The following SEM1 variants were observed in gnomAD, a reference collection of about 807,000 sequenced individuals.
SEM1 encodes the protein SEM1 26S proteasome subunit, also known as 26S proteasome complex subunit SEM1.
In SEM1, 3 loss-of-function variants were observed where a neutral mutation model predicts 12.7. The observed-to-expected ratio is 0.24, with a 90% CI of 0.11 to 0.61. The LOEUF (loss-of-function observed/expected upper bound fraction) is 0.61, where lower values mean the gene tolerates loss of function less well. Among genes scored for constraint, SEM1 ranks in the 20% least tolerant of loss-of-function variants. SEM1 has a pLI of 0.88. For missense variants in SEM1, 59 were observed against 81.3 expected (o/e 0.73, Z 1.06); for synonymous variants, 30 against 27.8 (o/e 1.08, Z -0.25).
chr7:96,675,525 T>TC, intron 2 of SEM1, among the ~76,000 whole-genome samples: 1 of 152,156 alleles, frequency 6.6e-6, no homozygotes, highest in Non-Finnish European at 1.5e-5. Flanking sequence ...CATTTACCAT[T>TC]TTATAGTTAT....
chr7:96,483,652 A>G (rs1802633228), exon 4 of SEM1: 1 of 587,810 alleles, frequency 1.7e-6, no homozygotes, highest in Admixed American at 2.7e-5. Context: ...GAGCACTAGA[A>G]TATGTATTAA....
At chr7:96,647,507 G>C (rs1315808205) in intron 2 of SEM1, 1 of 152,266 alleles carries the variant, frequency 6.6e-6, no homozygotes, top group Non-Finnish European at 1.5e-5. Flanking sequence ...TATCTCATCA[G>C]TGAGAACATG....
intron 2 of SEM1, among the ~76,000 whole-genome samples, chr7:96,563,953 C>T (rs2115930389): frequency 6.6e-6 from 1 of 152,122 alleles, no homozygotes; most frequent in East Asian, 1.9e-4. Context: ...TTGTTATGCT[C>T]TTTCACAAGT....
At chr7:96,586,544 C>T (rs1435857015) in intron 2 of SEM1, among the ~76,000 whole-genome samples, 3 of 152,166 alleles carry the variant, frequency 2.0e-5, no homozygotes, top group Admixed American at 6.5e-5. Context: ...ATCATACTTA[C>T]ATTTGACCAT....
At chr7:96,513,633 A>T (rs1374354178) in intron 2 of SEM1, among the ~76,000 whole-genome samples, 1 of 152,050 alleles carries the variant, frequency 6.6e-6, no homozygotes, top group Non-Finnish European at 1.5e-5. Flanking sequence ...GTTCCAGACT[A>T]GCGTGGCCAA....
At chr7:96,501,631 G>C (rs923878657) in intron 3 of SEM1, among the ~76,000 whole-genome samples, 1 of 152,056 alleles carries the variant, frequency 6.6e-6, no homozygotes, top group Non-Finnish European at 1.5e-5. Context: ...AAAATTTATT[G>C]GATGTTTAGT....
chr7:96,512,074 A>G (rs1315576298), intron 2 of SEM1, among the ~76,000 whole-genome samples: 1 of 152,114 alleles, frequency 6.6e-6, no homozygotes, highest in Non-Finnish European at 1.5e-5. Context: ...CAACCATTTC[A>G]TCAAAAGACA....
intron 2 of SEM1, among the ~76,000 whole-genome samples, chr7:96,587,599 A>T (rs1806681920): frequency 6.6e-6 from 1 of 151,512 alleles, no homozygotes; most frequent in South Asian, 2.1e-4. Flanking sequence ...CTCACAGGGC[A>T]TCTTGAACTT....
chr7:96,622,268 G>GA, downstream of SEM1: 1 of 197,654 alleles, frequency 5.1e-6, no homozygotes, highest in African/African-American at 2.3e-5. Flanking sequence ...AAAGGACATG[G>GA]AAAAAAAAAA....
intron 2 of SEM1, among the ~76,000 whole-genome samples, chr7:96,522,732 CA>C (rs34796190): frequency 0.036 from 4,630 of 129,484 alleles, 270 homozygotes; most frequent in African/African-American, 0.13. Flanking sequence ...ACCCCCCCCC[CA>C]AAAAAAAATT....
chr7:96,530,494 AT>A (rs1318941225), intron 2 of SEM1, among the ~76,000 whole-genome samples: 1 of 152,058 alleles, frequency 6.6e-6, no homozygotes, highest in Non-Finnish European at 1.5e-5. Context: ...TGAGAAGCAC[AT>A]TCCTAGTTTG....
chr7:96,586,794 A>G (rs1806652023), intron 2 of SEM1, among the ~76,000 whole-genome samples: 1 of 152,070 alleles, frequency 6.6e-6, no homozygotes, highest in Non-Finnish European at 1.5e-5. Context: ...TGTTATCTTT[A>G]TTTTTTCCCT....
intron 1 of SEM1, among the ~76,000 whole-genome samples, chr7:96,699,779 C>A (rs1326792065): frequency 6.6e-6 from 1 of 152,122 alleles, no homozygotes; most frequent in Non-Finnish European, 1.5e-5. Flanking sequence ...TACTCAGAAG[C>A]CCAACAGGTA....
intron 2 of SEM1, among the ~76,000 whole-genome samples, chr7:96,617,532 CT>C (rs1164106926): frequency 4.6e-5 from 7 of 152,016 alleles, no homozygotes; most frequent in African/African-American, 1.7e-4. Flanking sequence ...TTTTTATTTC[CT>C]TTTCTTGCCT....
intron 2 of SEM1, among the ~76,000 whole-genome samples, chr7:96,652,279 G>T (rs943157769): frequency 6.6e-6 from 1 of 151,770 alleles, no homozygotes; most frequent in Admixed American, 6.6e-5. Flanking sequence ...GTTGTATATT[G>T]CCTGTTCATG....
At chr7:96,492,595 T>A (rs939446183) in intron 1 of SEM1, among the ~76,000 whole-genome samples, 1 of 141,084 alleles carries the variant, frequency 7.1e-6, no homozygotes, top group Non-Finnish European at 1.5e-5. Flanking sequence ...ATTTTTTTTT[T>A]TTTTTTTTTT....
intron 2 of SEM1, among the ~76,000 whole-genome samples, chr7:96,636,738 T>C (rs1584823193): frequency 6.6e-6 from 1 of 151,966 alleles, no homozygotes; most frequent in East Asian, 1.9e-4. Context: ...TGATTAAGTT[T>C]AAAGAAATGT....
rs138668466 is a variant in SEM1 at position 96,693,262 on chromosome 7, A to G, written c.170+1536T>C. 4.3e-4 allele frequency among the ~76,000 whole-genome samples: 65 copies of G among 152,184 alleles called. No individual in the cohort carries two copies. In the East Asian group the frequency reaches 0.012, roughly 28 times the overall value. ...TTCTATATCTTTACTTGAGCAAAGT[A>G]TATGACAGTCTATTTATTCTTGTAG... On this transcript the variant is annotated intron_variant, in intron 2 of 2. Transcript: ENST00000248566.
At chr7:96,661,519 T>C (rs1308370888) in intron 2 of SEM1, among the ~76,000 whole-genome samples, 1 of 152,172 alleles carries the variant, frequency 6.6e-6, no homozygotes, top group African/African-American at 2.4e-5. Flanking sequence ...CTACCAGATG[T>C]AAGGACTTGC....
Sources: allele counts gnomAD v4.1 joint callset (sites outside exome capture counted in the v4.1 genomes callset), GRCh38; gene constraint gnomAD v4.1.1; transcripts MANE v1.5; gene names NCBI Gene and HGNC (gene_info 2026-07-23, HGNC 2026-07-21).